VTI1A: variants seen among roughly 807,000 people sequenced by gnomAD.
VTI1A encodes the protein vesicle transport through interaction with t-SNAREs homolog 1A.
In VTI1A, 22 loss-of-function variants were observed where a neutral mutation model predicts 34.9. The ratio of observed to expected loss-of-function variants is 0.63; its 90% CI spans 0.45 to 0.90. The LOEUF is 0.90. Among genes scored for constraint, VTI1A ranks in the 40% least tolerant of loss-of-function variants. The probability of loss-of-function intolerance (pLI) is 0.00; values close to 1 mark genes in which losing one functional copy is unlikely to be tolerated. For synonymous variants in VTI1A, 87 were observed against 97.3 expected (o/e 0.89, Z 0.62); for missense variants, 268 against 275.6 (o/e 0.97, Z 0.20).
chr10:112,460,416 C>T lies in VTI1A; in HGVS notation c.95-108C>T, dbSNP rs147356826. 2,943 of 983,194 alleles carry T rather than the reference C, an allele frequency of 3.0e-3. 8 individuals are homozygous for T. The highest frequency in any genetic ancestry group is 3.8e-3 in the Non-Finnish European group (2,590 of 685,296). The allele number at this position is 983,194 out of a possible 1,614,324, so 60.9% of individuals were successfully genotyped here. A position where few individuals can be genotyped will look rare whatever the true frequency, so the allele number is the denominator to read the frequency against. ...ATGATATGCTCTTTTGCCTTATGTT[C>T]TGTAATCTGATTGACCAGAAAGGAA... On this transcript the variant is annotated intron_variant, in intron 1 of 7. Coordinates refer to ENST00000393077, the MANE Select transcript of VTI1A (RefSeq NM_145206.4).
At chr10:112,812,385 T>TG in intron 7 of VTI1A, among the ~76,000 whole-genome samples, 1 of 152,354 alleles carries the variant, frequency 6.6e-6, no homozygotes, top group East Asian at 1.9e-4. Flanking sequence ...TCTCACTAGC[T>TG]GGGAACCCCT....
At chr10:112,575,350 T>G (rs530571681) in intron 5 of VTI1A, among the ~76,000 whole-genome samples, 8 of 152,372 alleles carry the variant, frequency 5.3e-5, no homozygotes, top group African/African-American at 1.7e-4. Context: ...ATGGATCTTT[T>G]CATTATAATC....
chr10:112,507,358 C>G (rs1272887365), intron 3 of VTI1A, among the ~76,000 whole-genome samples: 1 of 152,180 alleles, frequency 6.6e-6, no homozygotes, highest in Non-Finnish European at 1.5e-5. Context: ...TCCTGGCTTT[C>G]TGAACCTTGA....
At chr10:112,548,800 CCAA>C (rs1851234224) in intron 5 of VTI1A, 3 of 1,497,456 alleles carry the variant, frequency 2.0e-6, no homozygotes, top group African/African-American at 1.4e-5. Flanking sequence ...AGGAACCATA[CCAA>C]CAATGGCAGC....
chr10:112,830,845 A>ATTTTTTTTTTTTTTTTTTT, the VTI1A span, among the ~76,000 whole-genome samples: 2 of 42,034 alleles, frequency 4.8e-5, no homozygotes, highest in African/African-American at 2.0e-4. Flanking sequence ...ATATATATAT[A>ATTTTTTTTTTTTTTTTTTT]TATATTTTTT....
intron 5 of VTI1A, among the ~76,000 whole-genome samples, chr10:112,641,030 G>T (rs1384339603): frequency 6.6e-6 from 1 of 151,778 alleles, no homozygotes; most frequent in East Asian, 1.9e-4. Context: ...ACTAAATATT[G>T]CCCTGTTGTC....
chr10:112,761,009 T>A (rs1851446740), intron 7 of VTI1A, among the ~76,000 whole-genome samples: 1 of 152,164 alleles, frequency 6.6e-6, no homozygotes, highest in South Asian at 2.1e-4. Context: ...TTGTCAGCAC[T>A]GCTTTATTTT....
chr10:112,785,591 A>G (rs1255956854), intron 7 of VTI1A, among the ~76,000 whole-genome samples: 1 of 152,216 alleles, frequency 6.6e-6, no homozygotes, highest in Admixed American at 6.5e-5. Context: ...TCCCAAGGTT[A>G]GAAAATTTTA....
At chr10:112,777,598 C>T (rs982113699) in intron 7 of VTI1A, among the ~76,000 whole-genome samples, 1 of 152,192 alleles carries the variant, frequency 6.6e-6, no homozygotes, top group African/African-American at 2.4e-5. Flanking sequence ...AGATATCTTC[C>T]TCAGTAGTTT....
At chr10:112,756,514 G>C (rs1374803279) in intron 7 of VTI1A, among the ~76,000 whole-genome samples, 3 of 152,162 alleles carry the variant, frequency 2.0e-5, no homozygotes, top group Admixed American at 1.3e-4. Context: ...ATCTCCATCA[G>C]AAAAGCCGGT....
Position 112,804,881 on chromosome 10 carries a change from G to A in VTI1A, c.561-10409G>A, listed in dbSNP as rs769541778. ...TTTTTTTTTTTTTTTTTTTTTTTGA[G>A]ACAGAGTCCTGCTCTGTCTCCCAGA... On this transcript the variant is annotated intron_variant, in intron 7 of 7. Coordinates refer to ENST00000393077, the MANE Select transcript of VTI1A (RefSeq NM_145206.4). Among the ~76,000 whole-genome samples the A allele has an allele frequency of 0.013, 1,202 of 90,992 alleles. 14 individuals carry two copies. The Middle Eastern group carries it at 0.14, about 10-fold the overall frequency. The allele number at this position is 90,992 out of a possible 152,430, so 59.7% of individuals were successfully genotyped here. A position where few individuals can be genotyped will look rare whatever the true frequency, so the allele number is the denominator to read the frequency against.
rs552877767 is a variant in VTI1A at position 112,545,656 on chromosome 10, G to T, written c.427+7326G>T. 6.6e-5 allele frequency among the ~76,000 whole-genome samples: 10 copies of T among 152,332 alleles called. No individual in the cohort carries two copies. The South Asian group carries it at 1.0e-3, about 16-fold the overall frequency. On this transcript the variant is annotated intron_variant, in intron 5 of 7. Transcript: ENST00000393077. ...CCCCTGGGAGCTTGTTAAAAATGCA[G>T]GGTCTTGGGTCCCATGTCGGATCTA... is the stretch of plus-strand genomic sequence containing the variant.
At chr10:112,572,977 G>A (rs1365786014) in intron 5 of VTI1A, among the ~76,000 whole-genome samples, 1 of 151,822 alleles carries the variant, frequency 6.6e-6, no homozygotes, top group Non-Finnish European at 1.5e-5. Context: ...GCTTTGTCTG[G>A]AAAGTTCTTT....
In VTI1A at chr10:112,752,416, G is replaced by T. The variant is rs954064500; in HGVS notation, c.561-62874G>T. Reference sequence around the variant, plus strand: ...GCAGAGCTGATATCTCTTTACCGGGGAGTCAGCTTCACCAGCCACAGCTGC... The same window carrying T: ...GCAGAGCTGATATCTCTTTACCGGGTAGTCAGCTTCACCAGCCACAGCTGC... On this transcript the variant is annotated intron_variant, in intron 7 of 7. Coordinates refer to ENST00000393077, the MANE Select transcript of VTI1A (RefSeq NM_145206.4). The T allele has an allele frequency of 5.1e-6, 5 of 985,276 alleles. No individual in the cohort carries two copies. The African/African-American group carries it at 7.0e-5, about 14-fold the overall frequency. The allele number at this position is 985,276 out of a possible 1,614,324, so 61.0% of individuals were successfully genotyped here. A position where few individuals can be genotyped will look rare whatever the true frequency, so the allele number is the denominator to read the frequency against.
intron 5 of VTI1A, among the ~76,000 whole-genome samples, chr10:112,643,722 C>T (rs532085758): frequency 6.6e-6 from 1 of 152,148 alleles, no homozygotes; most frequent in East Asian, 1.9e-4. Context: ...GGAAAACAGA[C>T]AAAAACTCTT....
At chr10:112,564,363 G>A (rs1163177610) in intron 5 of VTI1A, among the ~76,000 whole-genome samples, 1 of 151,544 alleles carries the variant, frequency 6.6e-6, no homozygotes, top group East Asian at 1.9e-4. Flanking sequence ...CGTGTATTGT[G>A]CTTGTCTTCA....
At position 112,637,239 on chromosome 10, in the gene VTI1A, A is replaced by G. The variant is rs541552699; in HGVS notation, c.428-30979A>G. Among the ~76,000 whole-genome samples the G allele has an allele frequency of 1.4e-4, 21 of 152,320 alleles. No individual in the cohort carries two copies. The South Asian group carries it at 3.5e-3, about 26-fold the overall frequency. On this transcript the variant is annotated intron_variant, in intron 5 of 7. Coordinates refer to ENST00000393077, the MANE Select transcript of VTI1A (RefSeq NM_145206.4). ...TACTTTTATGATGTTTATTCATTGAAGGGTGTGAACATTATGGGTTTTACT... is the reference window on the plus strand; with the variant it reads ...TACTTTTATGATGTTTATTCATTGAGGGGTGTGAACATTATGGGTTTTACT...
chr10:112,728,267 C>G (rs1321959816), intron 7 of VTI1A, among the ~76,000 whole-genome samples: 2 of 152,078 alleles, frequency 1.3e-5, no homozygotes, highest in African/African-American at 4.8e-5. Flanking sequence ...ATATGTTGCA[C>G]AGCTGGTGAA....
At chr10:112,703,764 TCCTC>T (rs1464076128) in intron 7 of VTI1A, among the ~76,000 whole-genome samples, 1 of 152,168 alleles carries the variant, frequency 6.6e-6, no homozygotes, top group African/African-American at 2.4e-5. Context: ...ACTTCACTCA[TCCTC>T]ACTCATGTTA....
Sources: allele counts gnomAD v4.1 joint callset (sites outside exome capture counted in the v4.1 genomes callset), GRCh38; gene constraint gnomAD v4.1.1; transcripts MANE v1.5; gene names NCBI Gene and HGNC (gene_info 2026-07-23, HGNC 2026-07-21).